Variants in FARP1 observed in about 807,000 individuals in gnomAD.
The protein encoded by FARP1 is FERM, ARH/RhoGEF and pleckstrin domain protein 1.
FARP1 carries 52 observed loss-of-function variants against 128.8 expected under a neutral mutation model. The ratio of observed to expected loss-of-function variants is 0.40; its 90% CI spans 0.32 to 0.51. The LOEUF (loss-of-function observed/expected upper bound fraction) is 0.51, where lower values mean the gene tolerates loss of function less well. FARP1 is among the 20% of genes least tolerant of loss of function. FARP1 has a pLI of 0.45. For missense variants in FARP1, 1,333 were observed against 1,367.9 expected, an observed-to-expected ratio of 0.97 and a Z score of 0.40; for synonymous variants, 580 against 551.8, an observed-to-expected ratio of 1.05 and a Z score of -0.72.
At chr13:98,331,211 G>A (rs1268333177) in intron 2 of FARP1, among the ~76,000 whole-genome samples, 1 of 152,162 alleles carries the variant, frequency 6.6e-6, no homozygotes, top group East Asian at 1.9e-4. Flanking sequence ...TAGACTGTCA[G>A]CATTGTTGGA....
At chr13:98,393,889 G>C (rs1365965348) in intron 12 of FARP1, among the ~76,000 whole-genome samples, 171 bp downstream of exon 12, 1 of 152,198 alleles carries the variant, frequency 6.6e-6, no homozygotes, top group African/African-American at 2.4e-5. Context: ...TTTGTGCCAT[G>C]TGCCGGCAGC....
chr13:98,247,996 A>C (rs1883150824), intron 2 of FARP1, among the ~76,000 whole-genome samples: 1 of 152,136 alleles, frequency 6.6e-6, no homozygotes, highest in South Asian at 2.1e-4. Flanking sequence ...CCAGAAACAC[A>C]TCTCTGCCAA....
intron 2 of FARP1, among the ~76,000 whole-genome samples, chr13:98,243,878 C>T (rs1454383739): frequency 6.6e-6 from 1 of 151,878 alleles, no homozygotes; most frequent in Admixed American, 6.6e-5. Flanking sequence ...ATTTTTACTC[C>T]CTGCTGTACA....
At chr13:98,300,646 C>A (rs1456673796) in intron 2 of FARP1, among the ~76,000 whole-genome samples, 3 of 152,204 alleles carry the variant, frequency 2.0e-5, no homozygotes, top group Admixed American at 2.0e-4. Context: ...CTTCTCTGCT[C>A]CGCCCAGCAG....
intron 3 of FARP1, among the ~76,000 whole-genome samples, chr13:98,350,784 A>G (rs1888385545): frequency 6.6e-6 from 1 of 151,922 alleles, no homozygotes; most frequent in African/African-American, 2.4e-5. Context: ...ATTCTTAGAG[A>G]TGGCAAATGG....
chr13:98,264,952 G>A (rs1884035350), intron 2 of FARP1, among the ~76,000 whole-genome samples: 1 of 152,082 alleles, frequency 6.6e-6, no homozygotes, highest in African/African-American at 2.4e-5. Flanking sequence ...CATGGTTACC[G>A]AACCTTACAA....
intron 1 of FARP1, among the ~76,000 whole-genome samples, chr13:98,167,179 C>G (rs929519245): frequency 6.6e-6 from 1 of 152,046 alleles, no homozygotes; most frequent in African/African-American, 2.4e-5. Context: ...TAGGAGGTTG[C>G]AAATATTTTT....
At chr13:98,207,902 C>T (rs1251322633) in intron 1 of FARP1, among the ~76,000 whole-genome samples, 14 of 109,366 alleles carry the variant, frequency 1.3e-4, no homozygotes, top group Non-Finnish European at 2.2e-4. Context: ...TCCCCGACCA[C>T]CACCTCCACA....
At chr13:98,150,981 A>G (rs1875954682) in intron 1 of FARP1, among the ~76,000 whole-genome samples, 1 of 146,918 alleles carries the variant, frequency 6.8e-6, no homozygotes, top group African/African-American at 2.4e-5. Flanking sequence ...TGTGGCAGAT[A>G]CACAGCTCTG....
intron 3 of FARP1, among the ~76,000 whole-genome samples, chr13:98,348,498 T>C (rs67292446): frequency 0.11 from 16,411 of 152,262 alleles, 1,158 homozygotes; most frequent in African/African-American, 0.2. Flanking sequence ...AAACGGACTT[T>C]GCAGGATTCT....
At chr13:98,337,281 G>A (rs1045402669) in intron 2 of FARP1, among the ~76,000 whole-genome samples, 18 of 152,264 alleles carry the variant, frequency 1.2e-4, no homozygotes, top group Non-Finnish European at 2.2e-4. Context: ...GCTGAGGTGG[G>A]AGGATCGCTT....
intron 2 of FARP1, among the ~76,000 whole-genome samples, chr13:98,249,406 C>T (rs1438291371): frequency 1.3e-5 from 2 of 152,182 alleles, no homozygotes; most frequent in African/African-American, 4.8e-5. Context: ...ATGGTAAGAA[C>T]TTAAACTCTT....
chr13:98,350,115 G>A (rs1275108035), intron 3 of FARP1, among the ~76,000 whole-genome samples: 2 of 152,086 alleles, frequency 1.3e-5, no homozygotes, highest in African/African-American at 4.8e-5. Flanking sequence ...GTTGTACAGC[G>A]GCTCGGTCAC....
intron 2 of FARP1, among the ~76,000 whole-genome samples, chr13:98,260,007 G>A (rs1323108095): frequency 2.0e-5 from 3 of 151,052 alleles, no homozygotes; most frequent in African/African-American, 7.3e-5. Context: ...ATTCTTCAAA[G>A]TTCTTTCCTT....
intron 2 of FARP1, among the ~76,000 whole-genome samples, chr13:98,244,311 A>G (rs1206076388): frequency 2.0e-5 from 3 of 152,322 alleles, no homozygotes; most frequent in Non-Finnish European, 2.9e-5. Flanking sequence ...TAACTAATGT[A>G]TACAATTTGG....
At chr13:98,150,439 G>A (rs1875915015) in intron 1 of FARP1, among the ~76,000 whole-genome samples, 1 of 152,140 alleles carries the variant, frequency 6.6e-6, no homozygotes, top group Non-Finnish European at 1.5e-5. Context: ...ATAGTTGTAG[G>A]AGTTCTTTAT....
chr13:98,253,111 C>T (rs774799742), intron 2 of FARP1, among the ~76,000 whole-genome samples: 6 of 152,090 alleles, frequency 3.9e-5, no homozygotes, highest in East Asian at 1.9e-4. Context: ...TAGTCTGCGA[C>T]GAAAGCAATG....
At chr13:98,290,001 A>G (rs1885373689) in intron 2 of FARP1, among the ~76,000 whole-genome samples, 1 of 150,518 alleles carries the variant, frequency 6.6e-6, no homozygotes, top group Admixed American at 6.6e-5. Context: ...CAACACCCCC[A>G]TTTTACACCT....
intron 1 of FARP1, among the ~76,000 whole-genome samples, chr13:98,170,996 A>C (rs7331856): frequency 0.016 from 2,381 of 152,260 alleles, 39 homozygotes; most frequent in Middle Eastern, 0.058. Flanking sequence ...TTTTTGTCAA[A>C]GGAAATCCTC....
Sources: allele counts gnomAD v4.1 joint callset (sites outside exome capture counted in the v4.1 genomes callset), GRCh38; gene constraint gnomAD v4.1.1; transcripts MANE v1.5; gene names NCBI Gene and HGNC (gene_info 2026-07-23, HGNC 2026-07-21).